The following NCAPG2 variants were observed in gnomAD, a reference collection of about 807,000 sequenced individuals.
NCAPG2 encodes the protein condensin-2 complex subunit G2.
A neutral mutation model predicts 141.1 loss-of-function variants in NCAPG2; 53 were observed. The ratio of observed to expected loss-of-function variants is 0.38; its 90% CI spans 0.30 to 0.47. The LOEUF (loss-of-function observed/expected upper bound fraction) is 0.47. Among genes scored for constraint, NCAPG2 ranks in the 20% least tolerant of loss-of-function variants. The probability of loss-of-function intolerance (pLI) is 0.99; values close to 1 mark genes in which losing one functional copy is unlikely to be tolerated. For synonymous variants in NCAPG2, 499 were observed against 490.7 expected (o/e 1.02, Z -0.22); for missense variants, 1,087 against 1,389.0 (o/e 0.78, Z 3.46).
At chr7:158,672,719 A>G (rs1039459420) in intron 12 of NCAPG2, among the ~76,000 whole-genome samples, 8 of 152,084 alleles carry the variant, frequency 5.3e-5, no homozygotes, top group African/African-American at 1.9e-4. Context: ...TCAAGGGCAG[A>G]CTGATTTGAA....
At chr7:158,667,664 T>C (rs1476841902) in intron 13 of NCAPG2, among the ~76,000 whole-genome samples, 2 of 9,346 alleles carry the variant, frequency 2.1e-4, no homozygotes, top group Non-Finnish European at 1.7e-4. Flanking sequence ...CCCTCCGCCT[T>C]CCTTACCCAC....
chr7:158,640,464 C>T (rs938378933), intron 27 of NCAPG2: 1 of 152,136 alleles, frequency 6.6e-6, no homozygotes, highest in East Asian at 1.9e-4. Flanking sequence ...ACTTAGGAGG[C>T]AGAGGTTGCA....
chr7:158,689,929 G>C lies in NCAPG2; in HGVS notation c.562C>G (p.Arg188Gly). 1 of 1,593,394 alleles carries C rather than the reference G, an allele frequency of 6.3e-7. No homozygotes were observed. The highest frequency in any genetic ancestry group is 8.5e-7 in the Non-Finnish European group (1 of 1,171,530). The change falls in exon 6 of 28, where the codon CGT (arginine) becomes GGT (glycine). Residue 188 changes from arginine (R) to glycine (G), a missense_variant. Physicochemically the swap from Arg to Gly is moderately radical, Grantham distance 125. Coordinates refer to ENST00000356309, the MANE Select transcript of NCAPG2 (RefSeq NM_017760.7). ...AAGCAATATAAAGCTTGATGGATACGCCAAAGCCGACATACGTCTGCACCC... is the reference window on the plus strand; with the variant it reads ...AAGCAATATAAAGCTTGATGGATACCCCAAAGCCGACATACGTCTGCACCC... ...KTGADVCRLW[R>G]IHQALYCFDY...
At chr7:158,636,435 CTT>C (rs1830203648) in intron 27 of NCAPG2, among the ~76,000 whole-genome samples, 1 of 139,554 alleles carries the variant, frequency 7.2e-6, no homozygotes, top group Admixed American at 7.9e-5. Context: ...GAGTTTCACT[CTT>C]AATGCCCAGG....
rs940508386 is a variant in NCAPG2, at chr7:158,637,919, G to A, written c.3381-6202C>T. On this transcript the variant is annotated intron_variant, in intron 27 of 27. Transcript: ENST00000356309. ...AGCACTTTGGGAGGCCGAGGCGGGC[G>A]GATCACTTGAGGCCAGGAGTTCAAG... Among the ~76,000 whole-genome samples the A allele has an allele frequency of 3.9e-5, 6 of 152,170 alleles. No homozygotes were observed. The South Asian group carries it at 6.2e-4, about 16-fold the overall frequency.
intron 11 of NCAPG2, among the ~76,000 whole-genome samples, chr7:158,676,556 T>C (rs770732527): frequency 2.6e-5 from 4 of 152,184 alleles, no homozygotes; most frequent in Non-Finnish European, 1.5e-5. Context: ...AAATTATCTT[T>C]TATCAATACC....
chr7:158,663,374 A>T (rs1169772578), intron 15 of NCAPG2, among the ~76,000 whole-genome samples: 1 of 152,192 alleles, frequency 6.6e-6, no homozygotes, highest in African/African-American at 2.4e-5. Context: ...TCTATTCCAC[A>T]TCTATTTCCT....
intron 12 of NCAPG2, among the ~76,000 whole-genome samples, chr7:158,674,758 G>GTCAGAGCT (rs1779513548): frequency 6.6e-6 from 1 of 152,260 alleles, no homozygotes; most frequent in Admixed American, 6.5e-5. Context: ...GCTCAGGGGA[G>GTCAGAGCT]TCAGAGCTTC....
intron 24 of NCAPG2, among the ~76,000 whole-genome samples, chr7:158,650,570 G>C (rs936672117): frequency 6.6e-6 from 1 of 152,178 alleles, no homozygotes; most frequent in African/African-American, 2.4e-5. Context: ...TAGCATAAAA[G>C]CATGTTCAAA....
Position 158,687,359 on chromosome 7 carries a change from C to T in NCAPG2, c.756G>A (p.Gln252=). The part of the protein sequence containing the change: ...MIHGTIKNQL[Q]GLQKSLMVYI... ...CTTTTAACACTTACTTTTGTAATCC[C>T]TGTAACTGGTTTTTAATGGTCCCGT... Residue 252 remains glutamine (Q), a synonymous_variant, in exon 7 of 28, where the codon CAG becomes CAA. Coordinates refer to ENST00000356309, the MANE Select transcript of NCAPG2 (RefSeq NM_017760.7). 6.2e-7 allele frequency: 1 copy of T among 1,608,446 alleles called. No homozygotes were observed.
At position 158,656,395 on chromosome 7, in the gene NCAPG2, G is replaced by A. The variant is rs2129459224; in HGVS notation, c.2253C>T (p.Asp751=). The change falls in exon 19 of 28, where the codon GAC becomes GAT. Residue 751 remains aspartate, a synonymous_variant. Transcript: ENST00000356309. ...CCAATTCAGGTTTGACTGGGCGTGT[G>A]TCATGGATCTGCACCCTACCTTTAG... ...TASKGRVQIH[D]TRPVKPELAL... 1.2e-6 allele frequency: 2 copies of A among 1,614,212 alleles called. No individual in the cohort carries two copies. The highest frequency in any genetic ancestry group is 1.7e-6 in the Non-Finnish European group (2 of 1,180,042).
chr7:158,667,578 T>G (rs1021640006), intron 13 of NCAPG2, among the ~76,000 whole-genome samples: 6 of 8,564 alleles, frequency 7.0e-4, no homozygotes, highest in Middle Eastern at 0.071. Context: ...CCCTCCGCCC[T>G]CCCTTACCCA....
intron 13 of NCAPG2, among the ~76,000 whole-genome samples, chr7:158,667,528 CCTACCCTGTG>C (rs1563539623): frequency 3.4e-4 from 17 of 49,664 alleles, no homozygotes; most frequent in South Asian, 1.2e-3. Flanking sequence ...GCCCTCCTTA[CCTACCCTGTG>C]GCCCTCCACC....
At chr7:158,678,382 C>T (rs1254565606) in intron 11 of NCAPG2, among the ~76,000 whole-genome samples, 1 of 152,172 alleles carries the variant, frequency 6.6e-6, no homozygotes, top group Non-Finnish European at 1.5e-5. Flanking sequence ...GTACCTGCTC[C>T]TACACAGCCC....
At chr7:158,660,400 TC>T (rs1310025248) in intron 16 of NCAPG2, among the ~76,000 whole-genome samples, 16 of 135,958 alleles carry the variant, frequency 1.2e-4, no homozygotes, top group South Asian at 9.8e-4. Context: ...ATTTCAGCTT[TC>T]TTTTTTTTTT....
At chr7:158,670,543 C>T (rs1417714195) in intron 13 of NCAPG2, among the ~76,000 whole-genome samples, 1 of 152,194 alleles carries the variant, frequency 6.6e-6, no homozygotes, top group Non-Finnish European at 1.5e-5. Context: ...CAGAGTGGGA[C>T]CCTGTCTCCC....
chr7:158,685,047 G>A (rs1563566862), intron 8 of NCAPG2, among the ~76,000 whole-genome samples: 2 of 152,178 alleles, frequency 1.3e-5, no homozygotes, highest in Admixed American at 6.5e-5. Context: ...AGAACACAGG[G>A]TTGTGAGAGG....
intron 17 of NCAPG2, among the ~76,000 whole-genome samples, chr7:158,658,015 CG>C (rs1164453400): frequency 6.8e-6 from 1 of 147,926 alleles, no homozygotes; most frequent in Non-Finnish European, 1.5e-5. Context: ...ACAAACGCTG[CG>C]GAAGGCCGCA....
chr7:158,683,657 T>G (rs1249991986), intron 8 of NCAPG2, among the ~76,000 whole-genome samples: 1 of 152,176 alleles, frequency 6.6e-6, no homozygotes, highest in African/African-American at 2.4e-5. Context: ...AGATTCCACC[T>G]ACCACTCAAG....
Sources: gnomAD v4.1 joint callset for allele counts (sites outside exome capture counted in the v4.1 genomes callset) on GRCh38, gnomAD v4.1.1 for gene constraint, MANE v1.5 for transcripts, NCBI Gene and HGNC (gene_info 2026-07-23, HGNC 2026-07-21) for gene names.